Variants in PDE7B observed in about 807,000 individuals in gnomAD.
PDE7B encodes the protein 3',5'-cyclic-AMP phosphodiesterase 7B.
Under a neutral mutation model 56.2 loss-of-function variants are expected in PDE7B, and 29 were observed. That is an observed-to-expected ratio of 0.52 (90% CI 0.38 to 0.70). The LOEUF (loss-of-function observed/expected upper bound fraction) is 0.70, where lower values mean the gene tolerates loss of function less well. Among genes scored for constraint, PDE7B ranks in the 30% least tolerant of loss-of-function variants. The pLI is 0.00. For missense variants in PDE7B, 490 were observed against 565.0 expected, an observed-to-expected ratio of 0.87 and a Z score of 1.35; for synonymous variants, 197 against 196.9, an observed-to-expected ratio of 1.00 and a Z score of 0.00.
chr6:136,130,435 G>T (rs543411626), intron 3 of PDE7B, among the ~76,000 whole-genome samples: 34 of 152,246 alleles, frequency 2.2e-4, no homozygotes, highest in African/African-American at 7.9e-4. Context: ...GGAAAGAAAG[G>T]CTTCTGACTC....
At chr6:136,033,779 A>G (rs1464817803) in intron 2 of PDE7B, among the ~76,000 whole-genome samples, 1 of 152,158 alleles carries the variant, frequency 6.6e-6, no homozygotes. Context: ...CAGTTCTTCT[A>G]CTTGGACTGT....
intron 9 of PDE7B, among the ~76,000 whole-genome samples, chr6:136,174,832 A>T (rs1778950520): frequency 6.6e-6 from 1 of 152,192 alleles, no homozygotes; most frequent in Non-Finnish European, 1.5e-5. Context: ...CCTGGAACTA[A>T]ATAAAACCAG....
intron 2 of PDE7B, among the ~76,000 whole-genome samples, chr6:135,981,393 C>G (rs952100924): frequency 1.3e-5 from 2 of 151,660 alleles, no homozygotes; most frequent in African/African-American, 4.8e-5. Context: ...ATGTAACTAA[C>G]CTGTACATTG....
chr6:136,104,000 C>T (rs1777605847), intron 2 of PDE7B, among the ~76,000 whole-genome samples: 1 of 152,128 alleles, frequency 6.6e-6, no homozygotes, highest in Non-Finnish European at 1.5e-5. Flanking sequence ...TTTTATTAAC[C>T]AGAGGCAGCG....
chr6:136,097,068 C>A (rs1170425309), intron 2 of PDE7B, among the ~76,000 whole-genome samples: 4 of 151,686 alleles, frequency 2.6e-5, no homozygotes, highest in African/African-American at 9.7e-5. Flanking sequence ...TTACAGACTC[C>A]TCCTCCTCCA....
intron 2 of PDE7B, among the ~76,000 whole-genome samples, chr6:136,101,816 G>A (rs1378889249): frequency 6.6e-6 from 1 of 152,178 alleles, no homozygotes; most frequent in Non-Finnish European, 1.5e-5. Flanking sequence ...GTCCCGAGCT[G>A]TGGTCCACAG....
intron 3 of PDE7B, among the ~76,000 whole-genome samples, chr6:136,131,121 A>G (rs1439694823): frequency 4.6e-5 from 7 of 152,174 alleles, no homozygotes; most frequent in African/African-American, 1.7e-4. Flanking sequence ...TTATTGGTGG[A>G]GGCTTCCCAG....
At chr6:135,876,836 G>A (rs1234068722) in intron 1 of PDE7B, among the ~76,000 whole-genome samples, 1 of 151,672 alleles carries the variant, frequency 6.6e-6, no homozygotes, top group African/African-American at 2.4e-5. Context: ...TCCAGCCTGG[G>A]TGACAGTGAG....
At chr6:135,928,429 T>TTATA (rs755915341) in intron 1 of PDE7B, among the ~76,000 whole-genome samples, 98 of 103,062 alleles carry the variant, frequency 9.5e-4, no homozygotes, top group Admixed American at 3.0e-3. Flanking sequence ...GAAAATGTGA[T>TTATA]TATATATATA....
chr6:135,995,872 G>T (rs1562463636), intron 2 of PDE7B, among the ~76,000 whole-genome samples: 2 of 151,604 alleles, frequency 1.3e-5, no homozygotes, highest in Admixed American at 6.6e-5. Flanking sequence ...ACATAAAGAG[G>T]TTTTTTCTTT....
rs368490716 is a variant in PDE7B, at chr6:136,071,845, G to A, written c.83-36886G>A. Among the ~76,000 whole-genome samples, 7 of 152,164 alleles carry A rather than the reference G, an allele frequency of 4.6e-5. No individual in the cohort carries two copies. In the East Asian group the frequency reaches 1.3e-3, roughly 29 times the overall value. Reference sequence around the variant, plus strand: ...TAATGTTTTAAGGATTAAATGACATGATCATATAACAATGCCTAACAAGGT... The same window carrying A: ...TAATGTTTTAAGGATTAAATGACATAATCATATAACAATGCCTAACAAGGT... On this transcript the variant is annotated intron_variant, in intron 2 of 12. Coordinates refer to ENST00000308191, the MANE Select transcript of PDE7B (RefSeq NM_018945.4).
intron 1 of PDE7B, among the ~76,000 whole-genome samples, chr6:135,921,703 C>A (rs1774084948): frequency 6.6e-6 from 1 of 151,778 alleles, no homozygotes; most frequent in African/African-American, 2.4e-5. Context: ...ATTCTAATAC[C>A]TTCACAGAAA....
At chr6:135,991,426 T>C (rs533814903) in intron 2 of PDE7B, among the ~76,000 whole-genome samples, 1 of 129,734 alleles carries the variant, frequency 7.7e-6, no homozygotes, top group Non-Finnish European at 1.7e-5. Context: ...TTTTGTCAAT[T>C]AAAATAAAAT....
At chr6:136,148,392 AAAGGAAAGAAAGAAG>A (rs1778452577) in intron 4 of PDE7B, among the ~76,000 whole-genome samples, 1 of 142,874 alleles carries the variant, frequency 7.0e-6, no homozygotes, top group African/African-American at 2.7e-5. Context: ...AGAAAGAAGG[AAAGGAAAGAAAGAAG>A]GAAAGGAAAA....
At chr6:135,965,107 C>T (rs1159120169) in intron 2 of PDE7B, among the ~76,000 whole-genome samples, 1 of 152,164 alleles carries the variant, frequency 6.6e-6, no homozygotes, top group Non-Finnish European at 1.5e-5. Context: ...TGCAGTTGCA[C>T]TCCAGCCTGG....
intron 2 of PDE7B, among the ~76,000 whole-genome samples, chr6:136,082,356 T>A (rs1777220784): frequency 6.6e-6 from 1 of 152,200 alleles, no homozygotes; most frequent in Non-Finnish European, 1.5e-5. Context: ...TTGGAGAGAC[T>A]GGAGAAATGG....
chr6:136,156,024 T>C (rs1182417215), intron 8 of PDE7B: 4 of 536,230 alleles, frequency 7.5e-6, no homozygotes, highest in Non-Finnish European at 1.4e-5. Context: ...CTCTAAAGAG[T>C]AAATACTTGT....
chr6:136,038,178 CCT>C, intron 2 of PDE7B: 1 of 1,298,734 alleles, frequency 7.7e-7, no homozygotes. Flanking sequence ...AAGAATTTCC[CCT>C]GTGGTAGCAG....
At chr6:136,124,863 A>G (rs1224765640) in intron 3 of PDE7B, among the ~76,000 whole-genome samples, 2 of 152,176 alleles carry the variant, frequency 1.3e-5, no homozygotes, top group Non-Finnish European at 2.9e-5. Flanking sequence ...AGTTTGCCCT[A>G]TTGTGTGAAG....
Sources: gnomAD v4.1 joint callset for allele counts (sites outside exome capture counted in the v4.1 genomes callset) on GRCh38, gnomAD v4.1.1 for gene constraint, MANE v1.5 for transcripts, NCBI Gene and HGNC (gene_info 2026-07-23, HGNC 2026-07-21) for gene names.